Variants in ATG16L2 observed in about 807,000 individuals in gnomAD.
ATG16L2 encodes autophagy related 16 like 2.
In ATG16L2, 77 loss-of-function variants were observed where a neutral mutation model predicts 84.7. The observed-to-expected ratio is 0.91, with a 90% CI of 0.76 to 1.10. The LOEUF is 1.10. Among genes scored for constraint, ATG16L2 ranks in the 50% least tolerant of loss-of-function variants. The probability of loss-of-function intolerance (pLI) is 0.00; values close to 1 mark genes in which losing one functional copy is unlikely to be tolerated. For missense variants in ATG16L2, 782 were observed against 817.6 expected, an observed-to-expected ratio of 0.96 and a Z score of 0.53; for synonymous variants, 361 against 342.8, an observed-to-expected ratio of 1.05 and a Z score of -0.59.
At chr11:72,820,041 G>A (rs1221523340) in intron 3 of ATG16L2, 1 of 152,106 alleles carries the variant, frequency 6.6e-6, no homozygotes, top group Non-Finnish European at 1.5e-5. Flanking sequence ...CACGGCACCC[G>A]GCCTTTTCTT....
intron 7 of ATG16L2, chr11:72,823,720 C>T: frequency 2.1e-6 from 1 of 482,910 alleles, no homozygotes; most frequent in Middle Eastern, 3.1e-4. Flanking sequence ...CCCCCCTCCT[C>T]CCATCCCCAG....
chr11:72,843,101 A>G lies in ATG16L2; in HGVS notation c.*506A>G, dbSNP rs533159367. ...CTGAAGGCTTACTCCAGGGCAATAC[A>G]GTTTAGGTCAAACGTGACCAAATAA... On this transcript the variant is annotated 3_prime_UTR_variant, in exon 6 of 6. Transcript: ENST00000534905. The G allele has an allele frequency of 2.7e-4, 423 of 1,567,696 alleles. 7 individuals carry two copies. In the South Asian group the frequency reaches 4.6e-3, roughly 17 times the overall value.
At chr11:72,839,018 G>T in intron 5 of ATG16L2, 1 of 650,914 alleles carries the variant, frequency 1.5e-6, no homozygotes, top group Non-Finnish European at 2.7e-6. Context: ...TTTCAACCTA[G>T]TCTTCACTAT....
rs1306366249 is a variant in ATG16L2, at chr11:72,828,713, C to T, written c.1623-16C>T. On this transcript the variant is annotated splice_polypyrimidine_tract_variant and intron_variant, in intron 15 of 17. Transcript: ENST00000321297. ...GTGATGACCTCTGTTCTGACCCCAG[C>T]CCTGTCTGTCCTCAGGGCCGATGGC... 2 of 1,614,134 alleles carry T rather than the reference C, an allele frequency of 1.2e-6. No individual in the cohort carries two copies. Among genetic ancestry groups the T allele is most frequent in the Non-Finnish European group, 1.7e-6 (2 of 1,179,976 alleles).
At chr11:72,839,284 C>T (rs1037308277) in intron 5 of ATG16L2, among the ~76,000 whole-genome samples, 10 of 152,300 alleles carry the variant, frequency 6.6e-5, no homozygotes, top group Admixed American at 3.9e-4. Context: ...CCTTGTTAAA[C>T]CATGTTTAAA....
intron 10 of ATG16L2, among the ~76,000 whole-genome samples, chr11:72,825,678 T>G (rs561448267): frequency 6.6e-6 from 1 of 152,200 alleles, no homozygotes; most frequent in African/African-American, 2.4e-5. Context: ...GGGGGTCCCC[T>G]ATCATGAGGT....
At chr11:72,824,209 C>A in intron 8 of ATG16L2, 87 bp downstream of exon 8, 1 of 1,506,346 alleles carries the variant, frequency 6.6e-7, no homozygotes, top group Non-Finnish European at 9.2e-7. Flanking sequence ...CTCGACCTGT[C>A]CATCCCTGTG....
Position 72,822,471 on chromosome 11 carries a change from C to A in ATG16L2, c.645-7C>A, listed in dbSNP as rs185295626. On this transcript the variant is annotated splice_region_variant and splice_polypyrimidine_tract_variant and intron_variant, in intron 5 of 17. Transcript: ENST00000321297. This position sits in a 1 kb window ranked among gnomAD's most constrained non-coding sequence, Gnocchi z 4.2. ...CCAGGGTCTCAGGATGCTTTTTACC[C>A]AACAAGGGCCAAGCAGGCGCGGGTG... is the stretch of plus-strand genomic sequence containing the variant. 2 of 1,613,084 alleles carry A rather than the reference C, an allele frequency of 1.2e-6. No homozygotes were observed. The highest frequency in any genetic ancestry group is 2.7e-5 in the African/African-American group (2 of 74,872).
downstream of ATG16L2, among the ~76,000 whole-genome samples, chr11:72,832,033 A>G (rs895242067): frequency 3.3e-5 from 5 of 151,586 alleles, no homozygotes; most frequent in Non-Finnish European, 7.4e-5. Context: ...CTACATCTTC[A>G]CCCTTTTCTA....
intron 5 of ATG16L2, chr11:72,840,937 T>C: frequency 3.7e-6 from 6 of 1,613,178 alleles, no homozygotes; most frequent in Non-Finnish European, 5.1e-6. Context: ...AGAATCCTGG[T>C]GACTCAGCAT....
chr11:72,833,383 T>C (rs1223289734), downstream of ATG16L2, among the ~76,000 whole-genome samples: 1 of 152,246 alleles, frequency 6.6e-6, no homozygotes, highest in South Asian at 2.1e-4. Flanking sequence ...TCCTGGATCT[T>C]AGAAGTTGCA....
At chr11:72,821,781 C>A in intron 4 of ATG16L2, 40 bp downstream of exon 4, 1 of 1,520,442 alleles carries the variant, frequency 6.6e-7, no homozygotes, top group Non-Finnish European at 8.8e-7. Flanking sequence ...GCGCCCACCT[C>A]AGGGAGGCCC....
Position 72,822,119 on chromosome 11 carries a change from G to A in ATG16L2, c.468G>A (p.Trp156Ter). 2 of 1,519,814 alleles carry A rather than the reference G, an allele frequency of 1.3e-6. No individual in the cohort carries two copies. Among genetic ancestry groups the A allele is most frequent in the Non-Finnish European group, 1.7e-6 (2 of 1,143,042 alleles). 94.1% of individuals were successfully genotyped at this position (1,519,814 alleles called of 1,614,324 possible). A position where few individuals can be genotyped will look rare whatever the true frequency, so the allele number is the denominator to read the frequency against. Reference protein sequence around the residue: ...RAQQAQQVEEWRAQNAVQRAA... With the variant: ...RAQQAQQVEE ...AGCAGGCCCAGCAGGTGGAGGAGTG[G>A]CGGGCGCAGAATGCGGTGCAGCGGG... The change falls in exon 5 of 18, where the codon TGG (tryptophan) becomes TGA (stop). Residue 156 changes from tryptophan (W) to a stop codon, truncating the protein, a stop_gained. Transcript: ENST00000321297. LOFTEE classifies it high-confidence loss of function. The surrounding 1 kb of genome is among the most constrained non-coding windows in gnomAD (Gnocchi z 4.2).
chr11:72,832,510 G>A (rs577550172), downstream of ATG16L2, among the ~76,000 whole-genome samples: 70 of 152,294 alleles, frequency 4.6e-4, no homozygotes, highest in African/African-American at 1.4e-3. Context: ...GCATGTCAGC[G>A]GGAAGGCTGT....
intron 5 of ATG16L2, among the ~76,000 whole-genome samples, chr11:72,835,766 GA>G (rs1269930601): frequency 1.1e-5 from 1 of 89,004 alleles, no homozygotes; most frequent in African/African-American, 4.3e-5. Context: ...TTTTTTTTTT[GA>G]GACAGAGTTT....
chr11:72,825,430 C>T, intron 10 of ATG16L2, 23 bp downstream of exon 10: 1 of 1,588,736 alleles, frequency 6.3e-7, no homozygotes, highest in Non-Finnish European at 8.6e-7. Context: ...CCCCTGCCGG[C>T]CAACTTGGTG....
intron 12 of ATG16L2, 26 bp from the exon 13 acceptor site, chr11:72,826,677 G>T: frequency 6.2e-7 from 1 of 1,614,070 alleles, no homozygotes; most frequent in South Asian, 1.1e-5. Flanking sequence ...CCAAACTCTT[G>T]ATCCGTACCT....
In ATG16L2 at chr11:72,838,858, G is replaced by C. The variant is rs779305377; in HGVS notation, c.*22-3759G>C. The stretch of plus-strand genomic sequence containing the variant: ...CCTTCGGTGATTCTGTGTAGGTGGA[G>C]GGGGAGCTGCCCGGACCTGAGCAGG... On this transcript the variant is annotated intron_variant, in intron 5 of 5. Coordinates refer to the ATG16L2 transcript ENST00000534905. 2.2e-5 allele frequency: 35 copies of C among 1,607,372 alleles called. No homozygotes were observed. Among genetic ancestry groups the C allele is most frequent in the Admixed American group, 3.4e-5 (2 of 59,104 alleles).
At chr11:72,826,401 G>A in intron 11 of ATG16L2, 117 bp from the exon 12 acceptor site, 1 of 1,471,270 alleles carries the variant, frequency 6.8e-7, no homozygotes, top group Non-Finnish European at 9.3e-7. Flanking sequence ...AGGCTCCTTT[G>A]CCTGCCTTGG....
Sources: gnomAD v4.1 joint callset for allele counts (sites outside exome capture counted in the v4.1 genomes callset) on GRCh38, gnomAD v4.1.1 for gene constraint, Gnocchi (gnomAD v3.1) non-coding constraint, MANE v1.5 for transcripts, NCBI Gene and HGNC (gene_info 2026-07-23, HGNC 2026-07-21) for gene names.